RGS6: variants seen among roughly 807,000 people sequenced by gnomAD.
RGS6 encodes the protein regulator of G-protein signaling 6.
A neutral mutation model predicts 78.5 loss-of-function variants in RGS6; 30 were observed. The ratio of observed to expected loss-of-function variants is 0.38; its 90% CI spans 0.29 to 0.52. The LOEUF is 0.52. Ranked by LOEUF, RGS6 falls within the 20% of genes least tolerant of loss-of-function variation. The probability of loss-of-function intolerance (pLI) is 0.85; values close to 1 mark genes in which losing one functional copy is unlikely to be tolerated. For missense variants in RGS6, 495 were observed against 609.7 expected, an observed-to-expected ratio of 0.81 and a Z score of 1.98; for synonymous variants, 206 against 206.0, an observed-to-expected ratio of 1.00 and a Z score of 0.00.
At chr14:72,409,811 G>C (rs985483569) in intron 3 of RGS6, among the ~76,000 whole-genome samples, 3 of 152,058 alleles carry the variant, frequency 2.0e-5, no homozygotes, top group Non-Finnish European at 4.4e-5. Context: ...AGAACATGCA[G>C]CGTTTGGTTT....
At chr14:72,239,137 T>TC (rs1386907688) in intron 2 of RGS6, among the ~76,000 whole-genome samples, 1 of 152,124 alleles carries the variant, frequency 6.6e-6, no homozygotes, top group African/African-American at 2.4e-5. Flanking sequence ...CACCTGAAGG[T>TC]CAAGAGCCCC....
intron 2 of RGS6, among the ~76,000 whole-genome samples, chr14:71,982,387 A>G (rs2094509035): frequency 6.6e-6 from 1 of 152,216 alleles, no homozygotes; most frequent in Admixed American, 6.5e-5. Flanking sequence ...GCTCTAGGAC[A>G]ATGTTACGTT....
chr14:72,407,367 G>C (rs1382236168), intron 3 of RGS6, among the ~76,000 whole-genome samples: 1 of 152,190 alleles, frequency 6.6e-6, no homozygotes, highest in Admixed American at 6.5e-5. Context: ...GGAAAGCTCT[G>C]CTTCCCTCTG....
rs140700414 is a variant in RGS6, at chr14:72,013,498, T to C, written c.84+48623T>C. ...GTCCTTCAGTAGGCAGATTCATATA[T>C]TGACAAATGAAGGAAGAATTAGTCT... is the stretch of plus-strand genomic sequence containing the variant. On this transcript the variant is annotated intron_variant, in intron 2 of 17. Transcript: ENST00000553525. 4.9e-3 allele frequency among the ~76,000 whole-genome samples: 742 copies of C among 152,278 alleles called. 7 individuals are homozygous for C. Among genetic ancestry groups the C allele is most frequent in the African/African-American group, 0.017 (706 of 41,562 alleles).
intron 2 of RGS6, among the ~76,000 whole-genome samples, chr14:72,169,308 A>G (rs746149610): frequency 6.6e-6 from 1 of 152,192 alleles, no homozygotes; most frequent in Non-Finnish European, 1.5e-5. Flanking sequence ...GGGTTAATGT[A>G]AGCTCTGTGG....
intron 1 of RGS6, among the ~76,000 whole-genome samples, chr14:71,960,572 A>G (rs2093117860): frequency 6.6e-6 from 1 of 152,212 alleles, no homozygotes; most frequent in Non-Finnish European, 1.5e-5. Context: ...CCCCAACGAT[A>G]AAGTCCCTGC....
At chr14:72,087,617 C>A in intron 2 of RGS6, among the ~76,000 whole-genome samples, 2 of 147,574 alleles carry the variant, frequency 1.4e-5, no homozygotes, top group Non-Finnish European at 1.5e-5. Flanking sequence ...TTGCAAACTT[C>A]AACAATATAC....
the RGS6 span, among the ~76,000 whole-genome samples, chr14:71,884,531 G>A: frequency 3.3e-5 from 5 of 152,240 alleles, no homozygotes; most frequent in African/African-American, 7.2e-5. Context: ...TTGGCAGTGG[G>A]CTGGGTGTGG....
At position 72,566,382 on chromosome 14, in the gene RGS6, C is replaced by A. The variant is rs2097710598; in HGVS notation, c.*3915C>A. 1 of 152,242 alleles carries A rather than the reference C, an allele frequency of 6.6e-6. No homozygotes were observed. Among genetic ancestry groups the A allele is most frequent in the African/African-American group, 2.4e-5 (1 of 41,446 alleles). 9.4% of individuals were successfully genotyped at this position (152,242 alleles called of 1,614,324 possible). A position where few individuals can be genotyped will look rare whatever the true frequency, so the allele number is the denominator to read the frequency against. ...CCCTGTTCTATACTCTAAGCCCACT[C>A]ACCGCATGATCACGGACTCATCGGA... On this transcript the variant is annotated 3_prime_UTR_variant, in exon 18 of 18. Coordinates refer to ENST00000553525, the MANE Select transcript of RGS6 (RefSeq NM_001204424.2).
chr14:71,918,988 CT>C, the RGS6 span, among the ~76,000 whole-genome samples: 4 of 149,600 alleles, frequency 2.7e-5, no homozygotes, highest in South Asian at 2.1e-4. Flanking sequence ...AAAATTTTTC[CT>C]TTTTTTTTTC....
chr14:72,185,572 A>G (rs1460346508), intron 2 of RGS6, among the ~76,000 whole-genome samples: 3 of 152,228 alleles, frequency 2.0e-5, no homozygotes, highest in African/African-American at 7.2e-5. Context: ...TAACTAGTGT[A>G]GAGTGTGAAT....
chr14:72,262,610 C>T (rs1415481201), intron 2 of RGS6, among the ~76,000 whole-genome samples: 1 of 152,180 alleles, frequency 6.6e-6, no homozygotes, highest in Non-Finnish European at 1.5e-5. Context: ...CAGTCCATAA[C>T]AGAGAGGAAG....
the RGS6 span, among the ~76,000 whole-genome samples, chr14:72,590,122 A>C: frequency 1.3e-5 from 2 of 152,226 alleles, no homozygotes; most frequent in Non-Finnish European, 2.9e-5. Flanking sequence ...GTCTAAAATT[A>C]AAAAGGCCAA....
intron 12 of RGS6, among the ~76,000 whole-genome samples, chr14:72,493,485 G>A (rs1284240396): frequency 1.7e-5 from 2 of 115,584 alleles, no homozygotes; most frequent in African/African-American, 7.1e-5. Context: ...AATTCAGGAT[G>A]TCCAATATTG....
chr14:72,373,730 A>G (rs1424501521), intron 3 of RGS6, among the ~76,000 whole-genome samples: 2 of 152,148 alleles, frequency 1.3e-5, no homozygotes, highest in African/African-American at 4.8e-5. Flanking sequence ...TCCCTAGAAA[A>G]TTCCTAATTC....
At chr14:72,080,667 C>T (rs1409764969) in intron 2 of RGS6, among the ~76,000 whole-genome samples, 1 of 152,022 alleles carries the variant, frequency 6.6e-6, no homozygotes, top group Non-Finnish European at 1.5e-5. Context: ...AGGTTTAAGT[C>T]TTTAATCCAC....
At chr14:72,461,774 C>T (rs1479931146) in intron 6 of RGS6, among the ~76,000 whole-genome samples, 1 of 152,162 alleles carries the variant, frequency 6.6e-6, no homozygotes, top group Non-Finnish European at 1.5e-5. Flanking sequence ...AAGAGAGAAT[C>T]CAGCACAATG....
chr14:72,616,621 G>A, the RGS6 span, among the ~76,000 whole-genome samples: 1 of 152,124 alleles, frequency 6.6e-6, no homozygotes, highest in African/African-American at 2.4e-5. Context: ...GAATAGGCAG[G>A]GCAAGTGTTA....
At chr14:72,345,981 T>G (rs2077966876) in intron 2 of RGS6, among the ~76,000 whole-genome samples, 1 of 152,196 alleles carries the variant, frequency 6.6e-6, no homozygotes, top group Admixed American at 6.5e-5. Context: ...TCTGGGCTGA[T>G]AAGATGGTGT....
Sources: allele counts gnomAD v4.1 joint callset (sites outside exome capture counted in the v4.1 genomes callset), GRCh38; gene constraint gnomAD v4.1.1; transcripts MANE v1.5; gene names NCBI Gene and HGNC (gene_info 2026-07-23, HGNC 2026-07-21).